SOX5: variants seen among roughly 807,000 people sequenced by gnomAD.
The protein encoded by SOX5 is SRY-box transcription factor 5, also known as transcription factor SOX-5.
SOX5 carries 9 observed loss-of-function variants against 92.0 expected under a neutral mutation model. That is an observed-to-expected ratio of 0.10 (90% CI 0.06 to 0.17). The LOEUF (loss-of-function observed/expected upper bound fraction) is 0.17, where lower values mean the gene tolerates loss of function less well. Among genes scored for constraint, SOX5 ranks in the 10% least tolerant of loss-of-function variants. The pLI, the probability that SOX5 is intolerant of heterozygous loss-of-function variation, is 1.00. For missense variants in SOX5, 642 were observed against 944.5 expected (o/e 0.68, Z 4.20); for synonymous variants, 344 against 336.3 (o/e 1.02, Z -0.25).
chr12:24,070,020 C>A (rs751969317), intron 4 of SOX5, among the ~76,000 whole-genome samples: 1 of 152,074 alleles, frequency 6.6e-6, no homozygotes, highest in Non-Finnish European at 1.5e-5. Flanking sequence ...TGTCAACAAC[C>A]GGGGAGAGCG....
chr12:23,727,708 T>C (rs2093209316), intron 6 of SOX5, among the ~76,000 whole-genome samples: 2 of 152,124 alleles, frequency 1.3e-5, no homozygotes, highest in Admixed American at 6.6e-5. Context: ...TCCAGGATCA[T>C]GGTATTTAAA....
At chr12:23,715,238 G>A (rs969825789) in intron 6 of SOX5, among the ~76,000 whole-genome samples, 21 of 151,698 alleles carry the variant, frequency 1.4e-4, no homozygotes, top group African/African-American at 4.9e-4. Context: ...GGCGAAGCTT[G>A]CAGTGAGCCG....
intron 2 of SOX5, among the ~76,000 whole-genome samples, chr12:23,861,492 G>A (rs1169463573): frequency 6.6e-6 from 1 of 152,060 alleles, no homozygotes. Flanking sequence ...TTGAATTTTG[G>A]ACAGATGTTT....
chr12:23,956,963 C>T (rs1275849125), intron 4 of SOX5, among the ~76,000 whole-genome samples: 4 of 149,174 alleles, frequency 2.7e-5, no homozygotes, highest in East Asian at 2.1e-4. Context: ...CCACCATGCC[C>T]GGCCATTGCC....
chr12:24,403,175 C>G (rs760285967), intron 1 of SOX5, among the ~76,000 whole-genome samples: 9 of 152,168 alleles, frequency 5.9e-5, no homozygotes, highest in Middle Eastern at 3.2e-3. Flanking sequence ...ATTTTCTCCT[C>G]TTTTCTGGCT....
chr12:23,626,829 GA>G (rs1278256794), intron 8 of SOX5, among the ~76,000 whole-genome samples: 3 of 152,082 alleles, frequency 2.0e-5, no homozygotes, highest in African/African-American at 7.2e-5. Flanking sequence ...GTTGAGACTA[GA>G]ACCCTTAATC....
chr12:23,862,023 G>C (rs901641235), intron 2 of SOX5, among the ~76,000 whole-genome samples: 2 of 151,778 alleles, frequency 1.3e-5, no homozygotes, highest in African/African-American at 4.8e-5. Context: ...CTATTCCCTT[G>C]GTTCTAACAG....
intron 4 of SOX5, among the ~76,000 whole-genome samples, chr12:24,108,275 T>C (rs1237624934): frequency 6.6e-6 from 1 of 152,172 alleles, no homozygotes; most frequent in Admixed American, 6.5e-5. Flanking sequence ...ACATAAATTA[T>C]TGTTTGTGGA....
intron 3 of SOX5, among the ~76,000 whole-genome samples, chr12:23,769,600 A>G (rs1287294142): frequency 6.6e-6 from 1 of 152,172 alleles, no homozygotes; most frequent in Non-Finnish European, 1.5e-5. Flanking sequence ...GTCATATACA[A>G]CATTGTAATA....
intron 2 of SOX5, among the ~76,000 whole-genome samples, chr12:24,328,999 GAACTAAGGTAT>G (rs1951009034): frequency 2.0e-5 from 3 of 152,020 alleles, no homozygotes; most frequent in African/African-American, 7.2e-5. Flanking sequence ...CAAGAATTAA[GAACTAAGGTAT>G]GTATTAACAC....
intron 3 of SOX5, among the ~76,000 whole-genome samples, chr12:24,271,602 T>C (rs1427117525): frequency 6.6e-6 from 1 of 152,218 alleles, no homozygotes; most frequent in African/African-American, 2.4e-5. Context: ...TCTGTCAATA[T>C]TGTTCTGTCC....
At chr12:23,855,596 C>T (rs1487865796) in intron 2 of SOX5, among the ~76,000 whole-genome samples, 1 of 151,952 alleles carries the variant, frequency 6.6e-6, no homozygotes, top group African/African-American at 2.4e-5. Flanking sequence ...CTTTTTCTTT[C>T]TTTGTGAGGA....
At chr12:23,836,909 C>A (rs1159833845) in intron 3 of SOX5, among the ~76,000 whole-genome samples, 3 of 151,672 alleles carry the variant, frequency 2.0e-5, no homozygotes, top group Non-Finnish European at 4.4e-5. Flanking sequence ...GATGTTGTTC[C>A]CATTACAGAG....
intron 4 of SOX5, among the ~76,000 whole-genome samples, chr12:24,177,261 A>T (rs1488188892): frequency 6.6e-6 from 1 of 152,176 alleles, no homozygotes; most frequent in Non-Finnish European, 1.5e-5. Context: ...CTTGCTTAAG[A>T]TCCCATAGCT....
intron 2 of SOX5, among the ~76,000 whole-genome samples, chr12:24,307,794 G>GGAAGGAA (rs1948766559): frequency 1.8e-5 from 2 of 108,154 alleles, no homozygotes; most frequent in African/African-American, 3.9e-5. Context: ...GAAGGAAGGA[G>GGAAGGAA]GGAGGGAAGG....
intron 1 of SOX5, among the ~76,000 whole-genome samples, chr12:24,444,280 G>GTA (rs1042058336): frequency 4.6e-5 from 7 of 151,664 alleles, no homozygotes; most frequent in African/African-American, 1.7e-4. Flanking sequence ...ATGTGTGTGT[G>GTA]TGTGTGTGTG....
At chr12:24,506,418 A>AG (rs1555328066) in intron 1 of SOX5, among the ~76,000 whole-genome samples, 13 of 146,844 alleles carry the variant, frequency 8.9e-5, no homozygotes, top group Admixed American at 4.0e-4. Context: ...AAAAAAAAAA[A>AG]AGAGAGAGAG....
At position 23,992,853 on chromosome 12, in the gene SOX5, G is replaced by A. The variant is rs530567943; in HGVS notation, c.-1-96829C>T. Among the ~76,000 whole-genome samples the A allele has an allele frequency of 2.6e-5, 4 of 152,214 alleles. No individual in the cohort carries two copies. The South Asian group carries it at 8.3e-4, about 32-fold the overall frequency. On this transcript the variant is annotated intron_variant, in intron 4 of 4. Transcript: ENST00000446891. ...TTTGGTGAGATGGCTCTATGTCATA[G>A]CCATAAAGCATGCATGACAAAAGAC... is the stretch of plus-strand genomic sequence containing the variant.
chr12:23,543,214 A>G lies in SOX5; in HGVS notation c.1768T>C (p.Leu590=), dbSNP rs772017841. The change falls in exon 13 of 15, where the codon TTG becomes CTG. Residue 590 remains leucine, a synonymous_variant. Transcript: ENST00000451604. Reference sequence around the variant, plus strand: ...TAGTTCTTAATGGTTTTCTTACCCAATATCTTGCTGATGTTGGAGTTGTGC... The same window carrying G: ...TAGTTCTTAATGGTTTTCTTACCCAGTATCTTGCTGATGTTGGAGTTGTGC... The part of the protein sequence containing the change: ...DMHNSNISKI[L]GSRWKAMTNL... The G allele has an allele frequency of 3.1e-6, 5 of 1,612,454 alleles. No individual in the cohort carries two copies. Among genetic ancestry groups the G allele is most frequent in the African/African-American group, 2.7e-5 (2 of 74,984 alleles).
Sources: gnomAD v4.1 joint callset for allele counts (sites outside exome capture counted in the v4.1 genomes callset) on GRCh38, gnomAD v4.1.1 for gene constraint, MANE v1.5 for transcripts, NCBI Gene and HGNC (gene_info 2026-07-23, HGNC 2026-07-21) for gene names.